The following SGK2 variants were observed in gnomAD, a reference collection of about 807,000 sequenced individuals.
SGK2 encodes the protein serine/threonine-protein kinase Sgk2.
A neutral mutation model predicts 47.5 loss-of-function variants in SGK2; 36 were observed. The ratio of observed to expected loss-of-function variants is 0.76; its 90% confidence interval spans 0.58 to 1.00. The LOEUF is 1.00. Ranked by LOEUF, SGK2 falls within the 50% of genes least tolerant of loss-of-function variation. The pLI is 0.00. For missense variants in SGK2, 404 were observed against 467.4 expected, an observed-to-expected ratio of 0.86 and a Z score of 1.25; for synonymous variants, 157 against 181.9, an observed-to-expected ratio of 0.86 and a Z score of 1.10.
chr20:43,581,522 A>G (rs989817398), intron 12 of SGK2, among the ~76,000 whole-genome samples: 3 of 151,914 alleles, frequency 2.0e-5, no homozygotes, highest in African/African-American at 7.2e-5. Flanking sequence ...CCCAATGCTA[A>G]TGTTTTTTAG....
In SGK2 at chr20:43,569,676, T is replaced by G. The variant is rs916072526; in HGVS notation, c.360+160T>G. On this transcript the variant is annotated intron_variant, in intron 6 of 12. Coordinates refer to ENST00000373100, the MANE Select transcript of SGK2 (RefSeq NM_170693.3). ...ACTGAGGTTCAGGGAGGTAATCATT[T>G]GCTCAAGGCCACCCAGCGCATACCT... 3 of 778,806 alleles carry G rather than the reference T, an allele frequency of 3.9e-6. No homozygotes were observed. In the Admixed American group the frequency reaches 8.1e-5, roughly 21 times the overall value. 48.2% of individuals were successfully genotyped at this position (778,806 alleles called of 1,614,324 possible).
At chr20:43,567,604 C>A (rs1979812869) in intron 3 of SGK2, 61 bp from the exon 4 acceptor site, 2 of 1,510,626 alleles carry the variant, frequency 1.3e-6, no homozygotes, top group Non-Finnish European at 1.8e-6. Flanking sequence ...CAGGTTTGTT[C>A]TCAGGCACCA....
rs200797550 is a variant in SGK2, at chr20:43,579,988, A to G, written c.866A>G (p.His289Arg). The change falls in exon 12 of 13, where the codon CAT becomes CGT. Residue 289 changes from histidine (H) to arginine (R), a missense_variant. His to Arg is a conservative substitution (Grantham distance 29, BLOSUM62 0). Coordinates refer to ENST00000373100, the MANE Select transcript of SGK2 (RefSeq NM_170693.3). ...TTCCTGCAGCTTGAGATTAAGAACC[A>G]TGTATTCTTCAGCCCCATAAACTGG... The part of the protein sequence containing the change: ...SKADFLEIKN[H>R]VFFSPINWDD... The G allele has an allele frequency of 1.3e-5, 21 of 1,613,414 alleles. No individual in the cohort carries two copies. In the African/African-American group the frequency reaches 2.3e-4, roughly 17 times the overall value.
At chr20:43,566,451 C>T (rs750570578) in intron 1 of SGK2, 22 bp from the exon 2 acceptor site, 14 of 1,614,120 alleles carry the variant, frequency 8.7e-6, no homozygotes, top group Middle Eastern at 1.7e-4. Context: ...TCTCTCATGC[C>T]TGCTCCTCCC....
In SGK2 at chr20:43,576,246, T is replaced by A; in HGVS notation, c.716T>A (p.Val239Glu). The stretch of plus-strand genomic sequence containing the variant: ...CAGCCGCCCTTCTACAGCCAAGATG[T>A]ATCCCAGATGTATGAGAACATTCTG... ...HGLPPFYSQD[V>E]SQMYENILHQ... is the part of the protein sequence containing the mutation. The change falls in exon 11 of 13, where the codon GTA becomes GAA. Residue 239 changes from valine (V) to glutamate (E), a missense_variant. Transcript: ENST00000373100. 3.1e-6 allele frequency: 5 copies of A among 1,614,182 alleles called. No individual in the cohort carries two copies. Among genetic ancestry groups the A allele is most frequent in the Non-Finnish European group, 4.2e-6 (5 of 1,180,010 alleles).
chr20:43,577,833 C>T (rs978849739), intron 11 of SGK2, among the ~76,000 whole-genome samples: 8 of 151,760 alleles, frequency 5.3e-5, no homozygotes, highest in East Asian at 3.9e-4. Context: ...TTAGTAGAGA[C>T]GGGGTTTCAC....
At chr20:43,577,815 G>A (rs1296353487) in intron 11 of SGK2, among the ~76,000 whole-genome samples, 3 of 150,706 alleles carry the variant, frequency 2.0e-5, no homozygotes, top group Non-Finnish European at 4.4e-5. Flanking sequence ...GGCTAATTTT[G>A]TATTTTTTTA....
At chr20:43,584,047 A>G (rs61468926) in intron 12 of SGK2, among the ~76,000 whole-genome samples, 1 of 151,928 alleles carries the variant, frequency 6.6e-6, no homozygotes, top group Non-Finnish European at 1.5e-5. Flanking sequence ...GAGCTCTCTC[A>G]TATCTGTGGT....
At chr20:43,566,636 C>T (rs573461100) in intron 2 of SGK2, 105 bp downstream of exon 2, 70 of 771,678 alleles carry the variant, frequency 9.1e-5, no homozygotes, top group Non-Finnish European at 1.2e-4. Flanking sequence ...AGGGTTACTG[C>T]GAGCACATAG....
At chr20:43,573,114 G>T (rs1980240456) in intron 9 of SGK2, among the ~76,000 whole-genome samples, 1 of 152,204 alleles carries the variant, frequency 6.6e-6, no homozygotes. Context: ...AGAGCCTGGA[G>T]GGTTACAATT....
intron 1 of SGK2, 41 bp from the exon 2 acceptor site, chr20:43,566,432 A>G: frequency 1.9e-6 from 3 of 1,614,048 alleles, no homozygotes; most frequent in African/African-American, 1.3e-5. Context: ...CTGACCCCCC[A>G]ACACCAACTC....
intron 11 of SGK2, 145 bp downstream of exon 11, chr20:43,576,524 C>T (rs1980473200): frequency 1.5e-6 from 1 of 651,746 alleles, no homozygotes; most frequent in African/African-American, 1.8e-5. Flanking sequence ...ACTACTGCTA[C>T]TAGCTGACTA....
intron 2 of SGK2, 123 bp downstream of exon 2, chr20:43,566,654 C>T: frequency 4.6e-6 from 3 of 659,090 alleles, no homozygotes; most frequent in Non-Finnish European, 7.9e-6. Flanking sequence ...TAGAAATGAG[C>T]CACTTGCAGG....
chr20:43,576,083 C>T lies in SGK2; in HGVS notation c.694-141C>T, dbSNP rs1980441473. On this transcript the variant is annotated intron_variant, in intron 10 of 12. Coordinates refer to ENST00000373100, the MANE Select transcript of SGK2 (RefSeq NM_170693.3). ...GTGCCGGAAGCCTGGAGTCCTGTCT[C>T]TTTCCAGTCTGCCATGCGAGCCATT... 8.4e-6 allele frequency: 8 copies of T among 956,770 alleles called. No homozygotes were observed. In the East Asian group the frequency reaches 2.0e-4, roughly 24 times the overall value. The allele number at this position is 956,770 out of a possible 1,614,324, so 59.3% of individuals were successfully genotyped here. A position where few individuals can be genotyped will look rare whatever the true frequency, so the allele number is the denominator to read the frequency against.
At chr20:43,573,526 A>T (rs1345689778) in intron 9 of SGK2, among the ~76,000 whole-genome samples, 1 of 146,762 alleles carries the variant, frequency 6.8e-6, no homozygotes, top group Non-Finnish European at 1.5e-5. Flanking sequence ...TTGAACTCCC[A>T]CCAGTCTTGG....
At chr20:43,559,451 A>G (rs1979262863) in intron 1 of SGK2, among the ~76,000 whole-genome samples, 1 of 152,068 alleles carries the variant, frequency 6.6e-6, no homozygotes, top group African/African-American at 2.4e-5. Context: ...CTGAAATTCC[A>G]GGCCGTGGGC....
intron 1 of SGK2, among the ~76,000 whole-genome samples, chr20:43,562,209 C>T (rs1979429849): frequency 1.3e-5 from 2 of 151,074 alleles, no homozygotes; most frequent in African/African-American, 2.4e-5. Context: ...AGCTCATGAG[C>T]TCAAGACCAG....
chr20:43,581,180 T>C (rs938215909), intron 12 of SGK2, among the ~76,000 whole-genome samples: 5 of 152,144 alleles, frequency 3.3e-5, no homozygotes, highest in Non-Finnish European at 7.4e-5. Flanking sequence ...TGGCCTGTTT[T>C]GTTTTGTTTT....
chr20:43,560,092 G>A (rs746533671), intron 1 of SGK2, among the ~76,000 whole-genome samples: 1 of 152,130 alleles, frequency 6.6e-6, no homozygotes, highest in Non-Finnish European at 1.5e-5. Flanking sequence ...AAGGTGATGG[G>A]GGAGGGTGTG....
Sources: allele counts gnomAD v4.1 joint callset (sites outside exome capture counted in the v4.1 genomes callset), GRCh38; gene constraint gnomAD v4.1.1; transcripts MANE v1.5; gene names NCBI Gene and HGNC (gene_info 2026-07-23, HGNC 2026-07-21).